The following SPAG1 variants were observed in gnomAD, a reference collection of about 807,000 sequenced individuals.
SPAG1 encodes the protein sperm associated antigen 1.
Under a neutral mutation model 100.5 loss-of-function variants are expected in SPAG1, and 69 were observed. That is an observed-to-expected ratio of 0.69 (90% CI 0.57 to 0.84). The LOEUF (loss-of-function observed/expected upper bound fraction) is 0.84, where lower values mean the gene tolerates loss of function less well. Ranked by LOEUF, SPAG1 falls within the 40% of genes least tolerant of loss-of-function variation. The pLI, the probability that SPAG1 is intolerant of heterozygous loss-of-function variation, is 0.00. For synonymous variants in SPAG1, 336 were observed against 411.6 expected (o/e 0.82, Z 2.22); for missense variants, 955 against 1,133.1 (o/e 0.84, Z 2.26).
chr8:100,238,743 A>C (rs1223277247), intron 16 of SPAG1, among the ~76,000 whole-genome samples: 1 of 146,604 alleles, frequency 6.8e-6, no homozygotes, highest in African/African-American at 2.5e-5. Flanking sequence ...CCATTTGCAT[A>C]GTCCTTTATA....
At chr8:100,172,634 ATGTGTGTGTGTGTGTG>A (rs60155004) in intron 3 of SPAG1, among the ~76,000 whole-genome samples, 2 of 145,462 alleles carry the variant, frequency 1.4e-5, no homozygotes, top group Non-Finnish European at 3.0e-5. Context: ...AAAGAAATAT[ATGTGTGTGTGTGTGTG>A]TGTGTGTGTG....
rs1817798771 is a variant in SPAG1 at position 100,213,096 on chromosome 8, C to CGGAGCCGGCG, written c.1111_1120dup (p.Ala374GlyfsTer111). Reference sequence around the variant, plus strand: ...CGCATCCACTTCCTCACAGAGCCCGCGGAGCCGGCGGGAGCCGCGCGCGCC... The same window carrying CGGAGCCGGCG: ...CGCATCCACTTCCTCACAGAGCCCGCGGAGCCGGCGGGAGCCGGCGGGAGCCGCGCGCGCC... On this transcript the variant is annotated frameshift_variant, in exon 11 of 19. Transcript: ENST00000388798. LOFTEE classifies it high-confidence loss of function. 1.4e-6 allele frequency: 2 copies of CGGAGCCGGCG among 1,470,734 alleles called. No homozygotes were observed. Among genetic ancestry groups the CGGAGCCGGCG allele is most frequent in the Admixed American group, 2.4e-5 (1 of 40,874 alleles). The allele number at this position is 1,470,734 out of a possible 1,614,324, so 91.1% of individuals were successfully genotyped here. A position where few individuals can be genotyped will look rare whatever the true frequency, so the allele number is the denominator to read the frequency against.
intron 17 of SPAG1, 103 bp from the exon 18 acceptor site, chr8:100,240,300 C>A: frequency 8.9e-7 from 1 of 1,118,086 alleles, no homozygotes; most frequent in Non-Finnish European, 1.3e-6. Context: ...GACTACAGTA[C>A]AGTCTACTTG....
intron 16 of SPAG1, among the ~76,000 whole-genome samples, chr8:100,236,791 G>T (rs1819025621): frequency 6.6e-6 from 1 of 152,138 alleles, no homozygotes; most frequent in African/African-American, 2.4e-5. Context: ...GGTGAATAAA[G>T]ACATGGTGCC....
At chr8:100,189,654 CA>C (rs932722929) in intron 8 of SPAG1, among the ~76,000 whole-genome samples, 4 of 151,584 alleles carry the variant, frequency 2.6e-5, no homozygotes, top group African/African-American at 7.3e-5. Flanking sequence ...GACTCTGTTT[CA>C]AAAAAAATAA....
chr8:100,185,982 A>G (rs1169118969), intron 7 of SPAG1, among the ~76,000 whole-genome samples: 1 of 151,330 alleles, frequency 6.6e-6, no homozygotes, highest in Non-Finnish European at 1.5e-5. Context: ...TTGAGGAGTC[A>G]TATAGTTGAA....
chr8:100,214,070 A>G (rs1351078669), intron 12 of SPAG1, 152 bp downstream of exon 12: 1 of 544,612 alleles, frequency 1.8e-6, no homozygotes, highest in East Asian at 2.9e-5. Context: ...ATCATAAATT[A>G]TCTTACGTAT....
At chr8:100,201,508 T>C (rs934121049) in intron 10 of SPAG1, among the ~76,000 whole-genome samples, 12 of 152,208 alleles carry the variant, frequency 7.9e-5, no homozygotes, top group Non-Finnish European at 1.6e-4. Context: ...AATTCTTATA[T>C]ACAGTGTGAG....
chr8:100,161,065 C>T (rs113577205), intron 1 of SPAG1, among the ~76,000 whole-genome samples: 25 of 152,250 alleles, frequency 1.6e-4, no homozygotes, highest in Admixed American at 4.6e-4. Context: ...AAGGGCTGGG[C>T]GTGATGGCTC....
chr8:100,204,469 C>T (rs1247375869), intron 10 of SPAG1, among the ~76,000 whole-genome samples: 1 of 151,668 alleles, frequency 6.6e-6, no homozygotes, highest in African/African-American at 2.4e-5. Context: ...GATTTGGGCC[C>T]ATGAAGTAGG....
At chr8:100,220,941 C>T (rs555636678) in intron 13 of SPAG1, among the ~76,000 whole-genome samples, 23 of 152,012 alleles carry the variant, frequency 1.5e-4, no homozygotes, top group African/African-American at 2.7e-4. Flanking sequence ...GGTGTGGTGG[C>T]GGGCGCCTGT....
chr8:100,221,979 C>A (rs1818302790), intron 13 of SPAG1, among the ~76,000 whole-genome samples: 1 of 152,248 alleles, frequency 6.6e-6, no homozygotes, highest in Non-Finnish European at 1.5e-5. Context: ...CATCCATAAT[C>A]TGTGATGGGG....
chr8:100,204,282 G>GC (rs948827832), intron 10 of SPAG1, among the ~76,000 whole-genome samples: 3 of 152,130 alleles, frequency 2.0e-5, no homozygotes, highest in Non-Finnish European at 4.4e-5. Context: ...CCTCTGGCCA[G>GC]CCCCTAGAGG....
chr8:100,179,521 A>C (rs1406048608), intron 4 of SPAG1, among the ~76,000 whole-genome samples: 10 of 152,156 alleles, frequency 6.6e-5, no homozygotes, highest in Non-Finnish European at 1.3e-4. Flanking sequence ...ATGGTCTAGG[A>C]AGCCCTTGAA....
chr8:100,162,976 A>T (rs1815383710), intron 2 of SPAG1, among the ~76,000 whole-genome samples: 1 of 141,320 alleles, frequency 7.1e-6, no homozygotes, highest in Non-Finnish European at 1.5e-5. Context: ...AAATAATAAT[A>T]AAAAAAATAA....
At chr8:100,231,444 G>T (rs1434222005) in intron 15 of SPAG1, among the ~76,000 whole-genome samples, 156 bp downstream of exon 15, 1 of 152,188 alleles carries the variant, frequency 6.6e-6, no homozygotes, top group Non-Finnish European at 1.5e-5. Flanking sequence ...AAGTGTGTCT[G>T]AAAGAGGTGA....
intron 8 of SPAG1, among the ~76,000 whole-genome samples, chr8:100,190,106 C>T (rs562174281): frequency 3.7e-4 from 57 of 152,112 alleles, no homozygotes; most frequent in East Asian, 1.4e-3. Flanking sequence ...GTCAGGAGAT[C>T]GAGACCATCC....
At chr8:100,164,747 A>G (rs1326397744) in intron 2 of SPAG1, among the ~76,000 whole-genome samples, 1 of 152,190 alleles carries the variant, frequency 6.6e-6, no homozygotes, top group Non-Finnish European at 1.5e-5. Flanking sequence ...AATATAGTTA[A>G]CTATTCATTG....
At chr8:100,236,989 A>G (rs1375952994) in intron 16 of SPAG1, among the ~76,000 whole-genome samples, 1 of 152,224 alleles carries the variant, frequency 6.6e-6, no homozygotes, top group Non-Finnish European at 1.5e-5. Flanking sequence ...TGATTATAAT[A>G]CATCCCTTTT....
Sources: gnomAD v4.1 joint callset for allele counts (sites outside exome capture counted in the v4.1 genomes callset) on GRCh38, gnomAD v4.1.1 for gene constraint, MANE v1.5 for transcripts, NCBI Gene and HGNC (gene_info 2026-07-23, HGNC 2026-07-21) for gene names.